ETV6: variants seen among roughly 807,000 people sequenced by gnomAD.
ETV6 encodes the protein ETS variant transcription factor 6.
ETV6 carries 16 observed loss-of-function variants against 51.1 expected under a neutral mutation model. The observed-to-expected ratio is 0.31, with a 90% confidence interval of 0.21 to 0.48. ETV6 has a LOEUF of 0.48. Ranked by LOEUF, ETV6 falls within the 20% of genes least tolerant of loss-of-function variation. The pLI is 0.99. For synonymous variants in ETV6, 240 were observed against 224.1 expected (o/e 1.07, Z -0.64); for missense variants, 458 against 594.8 (o/e 0.77, Z 2.39).
intron 2 of ETV6, among the ~76,000 whole-genome samples, chr12:11,828,328 A>G (rs1258371472): frequency 1.3e-5 from 2 of 152,222 alleles, no homozygotes; most frequent in Non-Finnish European, 2.9e-5. Context: ...TAATAACTGA[A>G]GAAGGGACAT....
rs140709379 is a variant in ETV6 at position 11,733,275 on chromosome 12, G to A, written c.34-19175G>A. On this transcript the variant is annotated intron_variant, in intron 1 of 7. Transcript: ENST00000396373. ...TACAAAAATTTAGCCAGGCATGGTG[G>A]CAGGTGCCTGTAGTCCCAGCTGCTC... 9.1e-3 allele frequency among the ~76,000 whole-genome samples: 1,379 copies of A among 152,094 alleles called. 26 individuals carry two copies. Among genetic ancestry groups the A allele is most frequent in the African/African-American group, 0.032 (1,308 of 41,456 alleles).
intron 4 of ETV6, among the ~76,000 whole-genome samples, chr12:11,862,817 A>G (rs1182585110): frequency 1.3e-5 from 2 of 152,232 alleles, no homozygotes; most frequent in Non-Finnish European, 2.9e-5. Context: ...TAGTCAACCC[A>G]TAATGGGCAT....
At chr12:11,756,119 A>G (rs143950733) in intron 2 of ETV6, among the ~76,000 whole-genome samples, 117 of 152,276 alleles carry the variant, frequency 7.7e-4, no homozygotes, top group South Asian at 4.1e-4. Context: ...TTTTCCTTTT[A>G]TTTGCCAGTG....
intron 1 of ETV6, among the ~76,000 whole-genome samples, chr12:11,695,731 T>C (rs1372328496): frequency 6.6e-6 from 1 of 152,192 alleles, no homozygotes; most frequent in Non-Finnish European, 1.5e-5. Context: ...CCACTCTTTC[T>C]CCAGTGCTGG....
intron 2 of ETV6, among the ~76,000 whole-genome samples, chr12:11,812,690 T>C (rs1945932009): frequency 6.6e-6 from 1 of 152,166 alleles, no homozygotes; most frequent in Admixed American, 6.5e-5. Flanking sequence ...ACGCTTTCTC[T>C]GCTAAGTACA....
chr12:11,678,242 C>T (rs957238420), intron 1 of ETV6, among the ~76,000 whole-genome samples: 11 of 152,162 alleles, frequency 7.2e-5, no homozygotes, highest in Non-Finnish European at 1.3e-4. Flanking sequence ...GGCAATATCA[C>T]GCTCCAATTT....
At chr12:11,675,880 G>T (rs1160690267) in intron 1 of ETV6, among the ~76,000 whole-genome samples, 2 of 151,862 alleles carry the variant, frequency 1.3e-5, no homozygotes, top group African/African-American at 2.4e-5. Context: ...GAAAGGAAGG[G>T]AGAGGGAGAA....
intron 1 of ETV6, among the ~76,000 whole-genome samples, chr12:11,680,835 C>G (rs1864514000): frequency 6.6e-6 from 1 of 152,166 alleles, no homozygotes; most frequent in Admixed American, 6.6e-5. Context: ...GTGGCTCATT[C>G]CTTCAGATGA....
At chr12:11,651,783 C>T (rs117051500) in intron 1 of ETV6, among the ~76,000 whole-genome samples, 2,263 of 152,248 alleles carry the variant, frequency 0.015, 17 homozygotes, top group Non-Finnish European at 0.023. Context: ...GGCTCAGTGG[C>T]AATAAACCCG....
intron 1 of ETV6, among the ~76,000 whole-genome samples, chr12:11,731,619 T>C (rs1865600774): frequency 6.6e-6 from 1 of 152,076 alleles, no homozygotes. Flanking sequence ...ACAGGAAGTG[T>C]TTACAGGTTT....
intron 4 of ETV6, among the ~76,000 whole-genome samples, chr12:11,862,827 T>A (rs539492569): frequency 1.2e-4 from 19 of 152,318 alleles, no homozygotes; most frequent in Non-Finnish European, 2.8e-4. Context: ...ATAATGGGCA[T>A]AAGAGACCGG....
At chr12:11,694,050 A>C (rs1864824770) in intron 1 of ETV6, among the ~76,000 whole-genome samples, 1 of 152,234 alleles carries the variant, frequency 6.6e-6, no homozygotes, top group Non-Finnish European at 1.5e-5. Context: ...GTTTATTGAA[A>C]GGGATGGTGG....
At chr12:11,666,824 C>T (rs979998736) in intron 1 of ETV6, among the ~76,000 whole-genome samples, 7 of 152,222 alleles carry the variant, frequency 4.6e-5, no homozygotes, top group Non-Finnish European at 2.9e-5. Flanking sequence ...TGCAGACCTA[C>T]GCGGCAGCTG....
At chr12:11,789,403 T>C (rs1457350418) in intron 2 of ETV6, among the ~76,000 whole-genome samples, 3 of 152,176 alleles carry the variant, frequency 2.0e-5, no homozygotes, top group Non-Finnish European at 4.4e-5. Flanking sequence ...CACTCTCCTC[T>C]CAGTAGTTCA....
At chr12:11,713,005 C>T (rs754401012) in intron 1 of ETV6, among the ~76,000 whole-genome samples, 1 of 152,132 alleles carries the variant, frequency 6.6e-6, no homozygotes, top group Non-Finnish European at 1.5e-5. Context: ...GACACCTGCC[C>T]TTCACCTCCC....
intron 1 of ETV6, among the ~76,000 whole-genome samples, chr12:11,735,861 A>G (rs1275749523): frequency 6.6e-6 from 1 of 152,204 alleles, no homozygotes; most frequent in East Asian, 1.9e-4. Flanking sequence ...TGGCCTCCCA[A>G]AGTGCGGGGA....
rs1463554644 is a variant in ETV6, at chr12:11,869,580, A to G, written c.620A>G (p.Asn207Ser). The change falls in exon 5 of 8, where the codon AAC becomes AGC. Residue 207 changes from asparagine (N) to serine (S), a missense_variant. Asn to Ser is a conservative substitution (Grantham distance 46). Coordinates refer to ENST00000396373, the MANE Select transcript of ETV6 (RefSeq NM_001987.5). This position sits in a 1 kb window ranked among gnomAD's most constrained non-coding sequence, Gnocchi z 5.0. Reference protein sequence around the residue: ...EQRPLRSPLDNMIRRLSPAER... With the variant: ...EQRPLRSPLDSMIRRLSPAER... ...CGGCCCCTCCGGTCCCCCCTGGACA[A>G]CATGATCCGCCGCCTCTCCCCGGCT... 1 of 1,614,170 alleles carries G rather than the reference A, an allele frequency of 6.2e-7. No homozygotes were observed. Among genetic ancestry groups the G allele is most frequent in the Admixed American group, 1.7e-5 (1 of 60,022 alleles).
chr12:11,741,066 G>A lies in ETV6; in HGVS notation c.34-11384G>A, dbSNP rs73288799. Among the ~76,000 whole-genome samples the A allele has an allele frequency of 5.0e-3, 756 of 152,346 alleles. 2 individuals are homozygous for A. Among genetic ancestry groups the A allele is most frequent in the African/African-American group, 0.017 (693 of 41,582 alleles). On this transcript the variant is annotated intron_variant, in intron 1 of 7. Coordinates refer to ENST00000396373, the MANE Select transcript of ETV6 (RefSeq NM_001987.5). Reference sequence around the variant, plus strand: ...AGCCTTAGTAGGCTCAAGGTTTCTAGTTGTTTAGGGTTCTAAGATTTTACT... The same window carrying A: ...AGCCTTAGTAGGCTCAAGGTTTCTAATTGTTTAGGGTTCTAAGATTTTACT...
In ETV6 at chr12:11,684,602, A is replaced by G. The variant is rs1467175994; in HGVS notation, c.33+34442A>G. 2.6e-5 allele frequency among the ~76,000 whole-genome samples: 4 copies of G among 152,212 alleles called. No homozygotes were observed. In the East Asian group the frequency reaches 7.7e-4, roughly 29 times the overall value. The stretch of plus-strand genomic sequence containing the variant: ...AATCTTGTTTTATCTGTATGCTTAC[A>G]TCCTTCTCACCCTTCCCCTTCCCTA... On this transcript the variant is annotated intron_variant, in intron 1 of 7. Transcript: ENST00000396373.
Sources: allele counts gnomAD v4.1 joint callset (sites outside exome capture counted in the v4.1 genomes callset), GRCh38; gene constraint gnomAD v4.1.1; non-coding constraint Gnocchi (gnomAD v3.1); transcripts MANE v1.5; gene names NCBI Gene and HGNC (gene_info 2026-07-23, HGNC 2026-07-21).